DST: variants seen among roughly 807,000 people sequenced by gnomAD.
DST encodes the protein dystonin.
In DST, 253 loss-of-function variants were observed where a neutral mutation model predicts 875.2. The observed-to-expected ratio is 0.29, with a 90% CI of 0.26 to 0.32. The LOEUF (loss-of-function observed/expected upper bound fraction) is 0.32, where lower values mean the gene tolerates loss of function less well. Among genes scored for constraint, DST ranks in the 10% least tolerant of loss-of-function variants. The pLI is 1.00. For synonymous variants in DST, 3,124 were observed against 3,197.1 expected (o/e 0.98, Z 0.77); for missense variants, 8,287 against 9,111.6 (o/e 0.91, Z 3.68).
At chr6:56,827,630 T>C (rs558549624) in intron 4 of DST, among the ~76,000 whole-genome samples, 1 of 151,886 alleles carries the variant, frequency 6.6e-6, no homozygotes, top group South Asian at 2.1e-4. Context: ...CTATAAAAAG[T>C]ATATTTAATA....
At chr6:56,569,324 C>T (rs1446344109) in intron 54 of DST, among the ~76,000 whole-genome samples, 2 of 59,558 alleles carry the variant, frequency 3.4e-5, no homozygotes, top group East Asian at 3.6e-4. Flanking sequence ...GACTCTGTCT[C>T]GAAAAAAAAA....
chr6:56,583,211 A>T (rs989048475), intron 49 of DST, among the ~76,000 whole-genome samples: 25 of 152,220 alleles, frequency 1.6e-4, no homozygotes, highest in Non-Finnish European at 3.5e-4. Flanking sequence ...CAGTCCCACC[A>T]ACAGTGTAAA....
At chr6:56,459,837 G>A (rs1331645619) in intron 103 of DST, among the ~76,000 whole-genome samples, 3 of 152,220 alleles carry the variant, frequency 2.0e-5, no homozygotes, top group Non-Finnish European at 4.4e-5. Context: ...ACAGGGCCCT[G>A]TGCAATCGCT....
At chr6:56,949,890 T>C (rs1194287073) in intron 2 of DST, among the ~76,000 whole-genome samples, 1 of 152,236 alleles carries the variant, frequency 6.6e-6, no homozygotes, top group Non-Finnish European at 1.5e-5. Flanking sequence ...TCTCCAATGA[T>C]TTGGTACAGG....
Position 56,619,902 on chromosome 6 carries a change from C to A in DST, c.4929+4628G>T, listed in dbSNP as rs200881938. 4 of 1,614,058 alleles carry A rather than the reference C, an allele frequency of 2.5e-6. No homozygotes were observed. In the African/African-American group the frequency reaches 5.3e-5, roughly 22 times the overall value. On this transcript the variant is annotated intron_variant, in intron 36 of 103. Coordinates refer to ENST00000680361, the MANE Select transcript of DST (RefSeq NM_001374736.1). The stretch of plus-strand genomic sequence containing the variant: ...GTCAGCTCTCTCATGTCTTGTTCAG[C>A]CTTTCTATTGGCAGCTGTTAGTTCA...
intron 36 of DST, chr6:56,618,189 C>T: frequency 1.2e-6 from 2 of 1,614,112 alleles, no homozygotes; most frequent in Non-Finnish European, 8.5e-7. Flanking sequence ...TGGCTTTTCT[C>T]TTTCTCGAGT....
chr6:56,723,288 G>C (rs112226010), intron 5 of DST, among the ~76,000 whole-genome samples: 2,016 of 151,816 alleles, frequency 0.013, 41 homozygotes, highest in African/African-American at 0.046. Flanking sequence ...GTGAGGGCTG[G>C]GCGTGGTGGC....
chr6:56,627,460 AC>A, intron 33 of DST, among the ~76,000 whole-genome samples, 173 bp from the exon 34 acceptor site: 1 of 152,172 alleles, frequency 6.6e-6, no homozygotes, highest in South Asian at 2.1e-4. Flanking sequence ...AGATTAAGCC[AC>A]AGAAGTGACC....
chr6:56,469,817 T>C (rs1780850062), intron 97 of DST, 66 bp downstream of exon 97: 1 of 1,373,710 alleles, frequency 7.3e-7, no homozygotes, highest in South Asian at 1.2e-5. Context: ...ACAATGGAGA[T>C]CAAATTGTAT....
chr6:56,673,150 G>A (rs928106550), intron 9 of DST, among the ~76,000 whole-genome samples: 8 of 152,028 alleles, frequency 5.3e-5, no homozygotes, highest in South Asian at 4.1e-4. Flanking sequence ...GCTACTAGCC[G>A]AGGCAGATCG....
At chr6:56,619,459 T>C (rs1441325162) in intron 36 of DST, 1 of 1,611,904 alleles carries the variant, frequency 6.2e-7, no homozygotes, top group East Asian at 2.2e-5. Context: ...GATCTGATTT[T>C]CTCTGGCAGA....
rs555704557 is a variant in DST, at chr6:56,554,073, CTTTTTTT to C, written c.15137-425_15137-419del. Among the ~76,000 whole-genome samples the C allele has an allele frequency of 3.1e-3, 248 of 80,830 alleles. 5 individuals are homozygous for C. Among genetic ancestry groups the C allele is most frequent in the African/African-American group, 0.012 (241 of 19,980 alleles). 53.0% of individuals were successfully genotyped at this position (80,830 alleles called of 152,430 possible). A position where few individuals can be genotyped will look rare whatever the true frequency, so the allele number is the denominator to read the frequency against. On this transcript the variant is annotated intron_variant, in intron 60 of 103. Coordinates refer to ENST00000680361, the MANE Select transcript of DST (RefSeq NM_001374736.1). ...AAATATGACTTTTTCGCGTCTATGA[CTTTTTTT>C]TTTTTTTTTTTTTTTTTTTTTTGAG... is the stretch of plus-strand genomic sequence containing the variant.
intron 4 of DST, among the ~76,000 whole-genome samples, chr6:56,834,378 C>T (rs2099790983): frequency 6.6e-6 from 1 of 152,222 alleles, no homozygotes. Flanking sequence ...GCGGGCAGAT[C>T]ACAAGGTCAG....
chr6:56,811,434 A>G (rs2099759826), intron 4 of DST, among the ~76,000 whole-genome samples: 1 of 152,210 alleles, frequency 6.6e-6, no homozygotes, highest in Non-Finnish European at 1.5e-5. Context: ...TCAGGATGCT[A>G]TAGCATCATC....
Position 56,634,590 on chromosome 6 carries a change from A to G in DST, c.3366T>C (p.Cys1122=), listed in dbSNP as rs763558691. The G allele has an allele frequency of 2.5e-6, 4 of 1,614,214 alleles. No homozygotes were observed. Among genetic ancestry groups the G allele is most frequent in the Non-Finnish European group, 3.4e-6 (4 of 1,180,030 alleles). Residue 1122 remains cysteine, a synonymous_variant, in exon 26 of 104, where the codon TGT becomes TGC. Transcript: ENST00000680361. ...IEITIYKDDE[C]VLANNSHRAK... ...CACGATGAGAGTTATTCGCCAAAACACATTCATCGTCTTTGTAAATGGTTA... is the reference window on the plus strand; with the variant it reads ...CACGATGAGAGTTATTCGCCAAAACGCATTCATCGTCTTTGTAAATGGTTA...
At chr6:56,946,929 A>G (rs1042442960) in intron 2 of DST, among the ~76,000 whole-genome samples, 1 of 152,220 alleles carries the variant, frequency 6.6e-6, no homozygotes, top group African/African-American at 2.4e-5. Context: ...ATAATGAATT[A>G]CCTGCAAATT....
Position 56,791,552 on chromosome 6 carries a change from C to T in DST, c.626-56263G>A, listed in dbSNP as rs934188562. On this transcript the variant is annotated intron_variant, in intron 4 of 103. Transcript: ENST00000680361. The stretch of plus-strand genomic sequence containing the variant: ...CTGTAATCCCCACACTTTGGGAGGC[C>T]GAGGTGGGAGGATCACTGAGCCCAG... Among the ~76,000 whole-genome samples the T allele has an allele frequency of 7.2e-5, 11 of 152,060 alleles. 1 individual carries two copies. The highest frequency in any genetic ancestry group is 5.2e-4 in the Admixed American group (8 of 15,266).
At chr6:56,916,531 C>A (rs939513494) in intron 2 of DST, among the ~76,000 whole-genome samples, 1 of 152,044 alleles carries the variant, frequency 6.6e-6, no homozygotes, top group Non-Finnish European at 1.5e-5. Context: ...GCGAGCAGAT[C>A]GCTTGAGCCC....
At chr6:56,638,590 T>C (rs1010573976) in intron 22 of DST, among the ~76,000 whole-genome samples, 4 of 152,138 alleles carry the variant, frequency 2.6e-5, no homozygotes, top group African/African-American at 9.6e-5. Context: ...AATCCCCCTA[T>C]TCTCCATTCA....
Sources: allele counts gnomAD v4.1 joint callset (sites outside exome capture counted in the v4.1 genomes callset), GRCh38; gene constraint gnomAD v4.1.1; transcripts MANE v1.5; gene names NCBI Gene and HGNC (gene_info 2026-07-23, HGNC 2026-07-21).